The following SLC22A4 variants were observed in gnomAD, a reference collection of about 807,000 sequenced individuals.
The protein encoded by SLC22A4 is ET transporter.
Under a neutral mutation model 56.6 loss-of-function variants are expected in SLC22A4, and 39 were observed. The observed-to-expected ratio is 0.69, with a 90% CI of 0.53 to 0.90. The LOEUF is 0.90. SLC22A4 is among the 40% of genes least tolerant of loss of function. The pLI, the probability that SLC22A4 is intolerant of heterozygous loss-of-function variation, is 0.00. For missense variants in SLC22A4, 594 were observed against 696.5 expected, an observed-to-expected ratio of 0.85 and a Z score of 1.66; for synonymous variants, 241 against 281.4, an observed-to-expected ratio of 0.86 and a Z score of 1.44.
At chr5:132,327,853 C>T (rs144108997) in intron 5 of SLC22A4, among the ~76,000 whole-genome samples, 18 of 152,280 alleles carry the variant, frequency 1.2e-4, no homozygotes, top group African/African-American at 4.1e-4. Flanking sequence ...TGTGTCATGT[C>T]TAGAACCTTA....
At chr5:132,340,074 T>G (rs1473356038) in intron 8 of SLC22A4, among the ~76,000 whole-genome samples, 5 of 147,504 alleles carry the variant, frequency 3.4e-5, no homozygotes, top group East Asian at 3.9e-4. Context: ...TTTTTTTTTT[T>G]TTTTTTTTTT....
chr5:132,322,208 T>A lies in SLC22A4; in HGVS notation c.677T>A (p.Val226Asp). 1.9e-6 allele frequency: 3 copies of A among 1,613,186 alleles called. No individual in the cohort carries two copies. Among genetic ancestry groups the A allele is most frequent in the Non-Finnish European group, 2.5e-6 (3 of 1,179,482 alleles). ...ILGTEILGKS[V>D]RIIFSTLGVC... ...GGAACAGAAATTCTTGGCAAGTCAG[T>A]TCGTATTATATTCTCTACATTAGGA... is the stretch of plus-strand genomic sequence containing the variant. Residue 226 changes from valine to aspartate, a missense_variant, in exon 4 of 10, where the codon GTT becomes GAT. Transcript: ENST00000200652.
intron 7 of SLC22A4, among the ~76,000 whole-genome samples, 187 bp from the exon 8 acceptor site, chr5:132,335,631 C>T (rs1240000509): frequency 6.6e-6 from 1 of 152,094 alleles, no homozygotes; most frequent in African/African-American, 2.4e-5. Context: ...ACAAAGCCAC[C>T]CCTCACATGA....
At chr5:132,331,111 C>A (rs1750845161) in intron 5 of SLC22A4, among the ~76,000 whole-genome samples, 1 of 152,036 alleles carries the variant, frequency 6.6e-6, no homozygotes, top group Non-Finnish European at 1.5e-5. Context: ...AGTGGGCAGA[C>A]TGCTTGAGGC....
At position 132,340,705 on chromosome 5, in the gene SLC22A4, G is replaced by T; in HGVS notation, c.1580+5G>T. The T allele has an allele frequency of 6.2e-7, 1 of 1,613,800 alleles. No individual in the cohort carries two copies. Among genetic ancestry groups the T allele is most frequent in the Non-Finnish European group, 8.5e-7 (1 of 1,179,688 alleles). Reference sequence around the variant, plus strand: ...GCAGATGCAGAAAGTGAAATGGTAAGTAGGACTTTTAACAAAATGATACCA... The same window carrying T: ...GCAGATGCAGAAAGTGAAATGGTAATTAGGACTTTTAACAAAATGATACCA... On this transcript the variant is annotated splice_donor_5th_base_variant and intron_variant, in intron 9 of 9. Coordinates refer to ENST00000200652, the MANE Select transcript of SLC22A4 (RefSeq NM_003059.3).
At chr5:132,297,097 T>C (rs1228953169) in intron 1 of SLC22A4, among the ~76,000 whole-genome samples, 5 of 152,098 alleles carry the variant, frequency 3.3e-5, no homozygotes, top group Middle Eastern at 3.2e-3. Context: ...GCGGGCAGAT[T>C]ACTTGAGGTC....
At chr5:132,312,964 A>G (rs1561538291) in intron 2 of SLC22A4, among the ~76,000 whole-genome samples, 1 of 152,222 alleles carries the variant, frequency 6.6e-6, no homozygotes, top group East Asian at 1.9e-4. Context: ...GCTCCATTCT[A>G]TCCACTGGTC....
intron 1 of SLC22A4, among the ~76,000 whole-genome samples, chr5:132,300,057 T>C (rs961451376): frequency 6.6e-6 from 1 of 152,244 alleles, no homozygotes; most frequent in African/African-American, 2.4e-5. Context: ...TGTTCCTTAG[T>C]CTTTCCTTAT....
intron 8 of SLC22A4, among the ~76,000 whole-genome samples, chr5:132,339,897 C>G (rs2126743928): frequency 6.6e-6 from 1 of 152,244 alleles, no homozygotes; most frequent in South Asian, 2.1e-4. Flanking sequence ...AGATGAGGAT[C>G]TGTTTTTCTC....
chr5:132,326,870 G>A (rs1217915458), intron 4 of SLC22A4, among the ~76,000 whole-genome samples: 1 of 152,186 alleles, frequency 6.6e-6, no homozygotes, highest in Non-Finnish European at 1.5e-5. Flanking sequence ...TCACCAGCTG[G>A]GACACCAGCA....
In SLC22A4 at chr5:132,308,372, A is replaced by ATTT. The variant is rs56259514; in HGVS notation, c.394-3754_394-3752dup. Among the ~76,000 whole-genome samples, 255 of 61,324 alleles carry ATTT rather than the reference A, an allele frequency of 4.2e-3. 12 individuals carry two copies. Among genetic ancestry groups the ATTT allele is most frequent in the South Asian group, 6.8e-3 (11 of 1,626 alleles). The allele number at this position is 61,324 out of a possible 152,430, so 40.2% of individuals were successfully genotyped here. A position where few individuals can be genotyped will look rare whatever the true frequency, so the allele number is the denominator to read the frequency against. On this transcript the variant is annotated intron_variant, in intron 1 of 9. Transcript: ENST00000200652. ...TGTCAGTTGAATCAATGATTAAGCA[A>ATTT]TTTTTTTTTTTTTTTTTTTTTTTTT...
At chr5:132,334,249 G>A (rs1282053843) in intron 6 of SLC22A4, among the ~76,000 whole-genome samples, 2 of 152,216 alleles carry the variant, frequency 1.3e-5, no homozygotes, top group Non-Finnish European at 2.9e-5. Flanking sequence ...CCCACAGTAT[G>A]ACCCTTGTAT....
At chr5:132,316,400 C>A (rs1750358248) in intron 3 of SLC22A4, among the ~76,000 whole-genome samples, 1 of 152,266 alleles carries the variant, frequency 6.6e-6, no homozygotes, top group South Asian at 2.1e-4. Context: ...AGGACACTAA[C>A]CCTACCCACG....
At chr5:132,341,879 G>A (rs1417697351) in intron 9 of SLC22A4, among the ~76,000 whole-genome samples, 1 of 152,160 alleles carries the variant, frequency 6.6e-6, no homozygotes, top group East Asian at 1.9e-4. Flanking sequence ...CCAGGGTGGT[G>A]GATGTTGCAG....
At chr5:132,301,992 G>A (rs1055472735) in intron 1 of SLC22A4, among the ~76,000 whole-genome samples, 5 of 152,224 alleles carry the variant, frequency 3.3e-5, no homozygotes, top group Admixed American at 1.3e-4. Context: ...CAGCCAGCCC[G>A]GCGAGACTTC....
chr5:132,335,847 A>G lies in SLC22A4; in HGVS notation c.1291A>G (p.Met431Val), dbSNP rs147032697. The change falls in exon 8 of 10, where the codon ATG becomes GTG. Residue 431 changes from methionine (M) to valine (V), a missense_variant. By Grantham distance (21) the Met-to-Val change is conservative. Coordinates refer to ENST00000200652, the MANE Select transcript of SLC22A4 (RefSeq NM_003059.3). Reference sequence around the variant, plus strand: ...TTACTTCTTATCCATTGGTCTGGTCATGCTGGGAAAATTTGGGATCACCTC... The same window carrying G: ...TTACTTCTTATCCATTGGTCTGGTCGTGCTGGGAAAATTTGGGATCACCTC... Reference protein sequence around the residue: ...DYYFLSIGLVMLGKFGITSAF... With the variant: ...DYYFLSIGLVVLGKFGITSAF... The G allele has an allele frequency of 4.5e-5, 73 of 1,614,046 alleles. No homozygotes were observed. In the African/African-American group the frequency reaches 9.1e-4, roughly 20 times the overall value.
chr5:132,294,413 G>A lies in SLC22A4; in HGVS notation c.-204G>A. On this transcript the variant is annotated 5_prime_UTR_variant, in exon 1 of 10. Transcript: ENST00000200652. The surrounding 1 kb of genome is among the most constrained non-coding windows in gnomAD (Gnocchi z 5.6). ...GGTCCCAAGTGTACAGTGGCATCAA[G>A]CTCAGCGCGAGCTCCCGGGAACGCT... The A allele has an allele frequency of 3.0e-6, 2 of 668,368 alleles. No homozygotes were observed. The highest frequency in any genetic ancestry group is 5.1e-6 in the Non-Finnish European group (2 of 388,582). The allele number at this position is 668,368 out of a possible 1,614,324, so 41.4% of individuals were successfully genotyped here.
At chr5:132,341,765 T>C (rs1020295318) in intron 9 of SLC22A4, among the ~76,000 whole-genome samples, 2 of 151,998 alleles carry the variant, frequency 1.3e-5, no homozygotes, top group Non-Finnish European at 2.9e-5. Context: ...CTGTCCAACA[T>C]GGTGAAACCC....
At chr5:132,325,330 AT>A (rs1391563715) in intron 4 of SLC22A4, among the ~76,000 whole-genome samples, 1 of 152,182 alleles carries the variant, frequency 6.6e-6, no homozygotes, top group African/African-American at 2.4e-5. Context: ...TTGAATTTTC[AT>A]TTCTTCAATC....
Sources: gnomAD v4.1 joint callset for allele counts (sites outside exome capture counted in the v4.1 genomes callset) on GRCh38, gnomAD v4.1.1 for gene constraint, Gnocchi (gnomAD v3.1) non-coding constraint, MANE v1.5 for transcripts, NCBI Gene and HGNC (gene_info 2026-07-23, HGNC 2026-07-21) for gene names.